Variants in RBM14 observed in about 807,000 individuals in gnomAD.
The protein encoded by RBM14 is RNA binding motif protein 14.
In RBM14, 5 loss-of-function variants were observed where a neutral mutation model predicts 52.8. The ratio of observed to expected loss-of-function variants is 0.09; its 90% confidence interval spans 0.05 to 0.20. RBM14 has a LOEUF of 0.20. RBM14 is among the 10% of genes least tolerant of loss of function. RBM14 has a pLI of 1.00. For missense variants in RBM14, 780 were observed against 926.6 expected, an observed-to-expected ratio of 0.84 and a Z score of 2.05; for synonymous variants, 411 against 401.8, an observed-to-expected ratio of 1.02 and a Z score of -0.28.
At position 66,628,456 on chromosome 11, in the gene RBM14, C is replaced by A. The variant is rs547369126; in HGVS notation, c.*1788C>A. ...TATCTTGCCCTAGATGTCCTCTTCC[C>A]TCTTGCCATCGTGCAAAAGCATTCG... is the stretch of plus-strand genomic sequence containing the variant. On this transcript the variant is annotated 3_prime_UTR_variant, in exon 3 of 3. Coordinates refer to ENST00000310137, the MANE Select transcript of RBM14 (RefSeq NM_006328.4). 6.6e-6 allele frequency among the ~76,000 whole-genome samples: 1 copy of A among 152,178 alleles called. No individual in the cohort carries two copies. The highest frequency in any genetic ancestry group is 1.5e-5 in the Non-Finnish European group (1 of 68,038).
chr11:66,625,415 A>C lies in RBM14; in HGVS notation c.1539A>C (p.Ala513=). 6.2e-7 allele frequency: 1 copy of C among 1,613,548 alleles called. No homozygotes were observed. The highest frequency in any genetic ancestry group is 8.5e-7 in the Non-Finnish European group (1 of 1,179,922). Reference sequence around the variant, plus strand: ...GGGCCCAACCTTCTGCCACCCTGGCAGCTCCTTACCGCACTCAGTCATCAG... The same window carrying C: ...GGGCCCAACCTTCTGCCACCCTGGCCGCTCCTTACCGCACTCAGTCATCAG... ...AYGAQPSATL[A]APYRTQSSAS... Residue 513 remains alanine (A), a synonymous_variant, in exon 2 of 3, where the codon GCA becomes GCC. Coordinates refer to ENST00000310137, the MANE Select transcript of RBM14 (RefSeq NM_006328.4). This position sits in a 1 kb window ranked among gnomAD's most constrained non-coding sequence, Gnocchi z 4.2.
rs1370093199 is a variant in RBM14, at chr11:66,625,906, G to A, written c.1802+228G>A. Among the ~76,000 whole-genome samples, 3 of 152,222 alleles carry A rather than the reference G, an allele frequency of 2.0e-5. No individual in the cohort carries two copies. The highest frequency in any genetic ancestry group is 4.4e-5 in the Non-Finnish European group (3 of 68,028). On this transcript the variant is annotated intron_variant, in intron 2 of 2. Transcript: ENST00000310137. This position sits in a 1 kb window ranked among gnomAD's most constrained non-coding sequence, Gnocchi z 4.2. Reference sequence around the variant, plus strand: ...GGGTGGTACCTGCTAGTCAGGCCAGGCACAGTGTCACCTGTCTAGGCTAGC... The same window carrying A: ...GGGTGGTACCTGCTAGTCAGGCCAGACACAGTGTCACCTGTCTAGGCTAGC...
At position 66,624,880 on chromosome 11, in the gene RBM14, G is replaced by C. The variant is rs1198016610; in HGVS notation, c.1004G>C (p.Gly335Ala). ...TCGCTCAACTCCTATGGGGCTCAGG[G>C]TTCCTCCCTTGCCTCCTATGGTAAC... ...ASSLNSYGAQ[G>A]SSLASYGNQP... is the part of the protein sequence containing the mutation. Residue 335 changes from glycine (G) to alanine (A), a missense_variant, in exon 2 of 3, where the codon GGT becomes GCT. This residue lies in a region of RBM14 where 675 missense variants were observed against 697.3 expected (regional missense o/e 0.97). Transcript: ENST00000310137. This position sits in a 1 kb window ranked among gnomAD's most constrained non-coding sequence, Gnocchi z 4.7. The C allele has an allele frequency of 6.2e-7, 1 of 1,613,014 alleles. No homozygotes were observed. Among genetic ancestry groups the C allele is most frequent in the South Asian group, 1.1e-5 (1 of 91,022 alleles).
intron 1 of RBM14, among the ~76,000 whole-genome samples, chr11:66,620,658 A>G (rs1284162742): frequency 6.6e-6 from 1 of 152,158 alleles, no homozygotes; most frequent in Non-Finnish European, 1.5e-5. Context: ...CATTTGAATC[A>G]TACATGTGAA....
Position 66,626,675 on chromosome 11 carries a change from C to G in RBM14, c.*7C>G. On this transcript the variant is annotated 3_prime_UTR_variant, in exon 3 of 3. Transcript: ENST00000310137. ...CTACCAGCGCCGCATGTAGGGCCATCCTGGGATGGGGCACCACAGGGAGGG... is the reference window on the plus strand; with the variant it reads ...CTACCAGCGCCGCATGTAGGGCCATGCTGGGATGGGGCACCACAGGGAGGG... 1 of 1,597,386 alleles carries G rather than the reference C, an allele frequency of 6.3e-7. No individual in the cohort carries two copies. The highest frequency in any genetic ancestry group is 8.5e-7 in the Non-Finnish European group (1 of 1,172,202).
Position 66,624,829 on chromosome 11 carries a change from A to T in RBM14, c.953A>T (p.Tyr318Phe), listed in dbSNP as rs146481171. ...AQPSASALSS[Y>F]GGQAAAASSL... ...CCCTCAGCCTCGGCCCTTTCCTCCT[A>T]TGGGGGTCAGGCAGCTGCAGCTTCT... is the stretch of plus-strand genomic sequence containing the variant. The change falls in exon 2 of 3, where the codon TAT becomes TTT. Residue 318 changes from tyrosine (Y) to phenylalanine (F), a missense_variant. Around this residue, in one of 4 missense-constraint regions of RBM14, gnomAD observed 675 missense variants for 697.3 expected, o/e 0.97. Coordinates refer to ENST00000310137, the MANE Select transcript of RBM14 (RefSeq NM_006328.4). The surrounding 1 kb of genome is among the most constrained non-coding windows in gnomAD (Gnocchi z 4.7). 2.5e-6 allele frequency: 4 copies of T among 1,612,554 alleles called. No individual in the cohort carries two copies. The highest frequency in any genetic ancestry group is 3.4e-6 in the Non-Finnish European group (4 of 1,179,590).
intron 1 of RBM14, among the ~76,000 whole-genome samples, chr11:66,622,601 T>G (rs1859166960): frequency 6.6e-6 from 1 of 152,212 alleles, no homozygotes. Context: ...AATTTCTAAT[T>G]AAGGATCCCT....
At chr11:66,626,365 C>A in intron 2 of RBM14, 96 bp from the exon 3 acceptor site, 1 of 1,234,794 alleles carries the variant, frequency 8.1e-7, no homozygotes, top group South Asian at 1.3e-5. Context: ...CCACTGTGAT[C>A]ACACCCTCCC....
At chr11:66,621,455 G>A (rs1405164512) in intron 1 of RBM14, among the ~76,000 whole-genome samples, 1 of 151,714 alleles carries the variant, frequency 6.6e-6, no homozygotes, top group Non-Finnish European at 1.5e-5. Context: ...TTGGCTCACT[G>A]CAACCTCCGC....
In RBM14 at chr11:66,626,841, T is replaced by C. The variant is rs1050714898; in HGVS notation, c.*173T>C. ...TCCTGTTAAGTGTTCGGCAGTAACC[T>C]ACTTTGTTCCTTCGCCTCAGCAGCA... On this transcript the variant is annotated 3_prime_UTR_variant, in exon 3 of 3. Coordinates refer to ENST00000310137, the MANE Select transcript of RBM14 (RefSeq NM_006328.4). 1 of 654,520 alleles carries C rather than the reference T, an allele frequency of 1.5e-6. No individual in the cohort carries two copies. Among genetic ancestry groups the C allele is most frequent in the South Asian group, 2.2e-5 (1 of 46,162 alleles). The allele number at this position is 654,520 out of a possible 1,614,324, so 40.5% of individuals were successfully genotyped here.
chr11:66,616,753 G>C lies in RBM14; in HGVS notation c.33G>C (p.Ala11=). 6.2e-7 allele frequency: 1 copy of C among 1,601,100 alleles called. No individual in the cohort carries two copies. Among genetic ancestry groups the C allele is most frequent in the Non-Finnish European group, 8.5e-7 (1 of 1,170,606 alleles). Residue 11 remains alanine, a synonymous_variant, in exon 1 of 3, where the codon GCG becomes GCC. Coordinates refer to ENST00000310137, the MANE Select transcript of RBM14 (RefSeq NM_006328.4). Reference sequence around the variant, plus strand: ...TATTCGTGGGCAACGTCGACGGGGCGGATACGACTCCGGAGGAGCTGGCAG... The same window carrying C: ...TATTCGTGGGCAACGTCGACGGGGCCGATACGACTCCGGAGGAGCTGGCAG... The part of the protein sequence containing the change: MKIFVGNVDG[A]DTTPEELAAL...
In RBM14 at chr11:66,626,905, A is replaced by C; in HGVS notation, c.*237A>C. 2.3e-6 allele frequency: 1 copy of C among 439,656 alleles called. No homozygotes were observed. The allele number at this position is 439,656 out of a possible 1,614,324, so 27.2% of individuals were successfully genotyped here. On this transcript the variant is annotated 3_prime_UTR_variant, in exon 3 of 3. Coordinates refer to ENST00000310137, the MANE Select transcript of RBM14 (RefSeq NM_006328.4). ...GCTCTAGATCTGCGGTTTCCCCTCT[A>C]CCCTGCCTCCCGTCTCCCCAGAATG...
chr11:66,628,185 T>C lies in RBM14; in HGVS notation c.*1517T>C, dbSNP rs577915633. 4.6e-5 allele frequency among the ~76,000 whole-genome samples: 7 copies of C among 152,184 alleles called. No individual in the cohort carries two copies. Among genetic ancestry groups the C allele is most frequent in the South Asian group, 2.1e-4 (1 of 4,824 alleles). On this transcript the variant is annotated 3_prime_UTR_variant, in exon 3 of 3. Coordinates refer to ENST00000310137, the MANE Select transcript of RBM14 (RefSeq NM_006328.4). ...GGATCGAGGATCTGGGCAAAAAATA[T>C]GACATTTCCAACCAGGGACAAAATG... is the stretch of plus-strand genomic sequence containing the variant.
Position 66,626,649 on chromosome 11 carries a change from G to T in RBM14, c.1991G>T (p.Gly664Val), listed in dbSNP as rs1179717948. ...CTGCGGGCGGCTCAGATGCACTCTGGCTACCAGCGCCGCATGTAGGGCCAT... is the reference window on the plus strand; with the variant it reads ...CTGCGGGCGGCTCAGATGCACTCTGTCTACCAGCGCCGCATGTAGGGCCAT... The part of the protein sequence containing the change: ...DYLRAAQMHS[G>V]YQRRM The change falls in exon 3 of 3, where the codon GGC (glycine) becomes GTC (valine). Residue 664 changes from glycine (G) to valine (V), a missense_variant. Physicochemically the swap from Gly to Val is moderately radical, Grantham distance 109 (BLOSUM62 -3). This residue lies in a region of RBM14 where 675 missense variants were observed against 697.3 expected (regional missense o/e 0.97). Transcript: ENST00000310137. 1.2e-6 allele frequency: 2 copies of T among 1,609,010 alleles called. No individual in the cohort carries two copies. The highest frequency in any genetic ancestry group is 8.5e-7 in the Non-Finnish European group (1 of 1,178,388).
In RBM14 at chr11:66,625,673, G is replaced by C; in HGVS notation, c.1797G>C (p.Ser599=). Residue 599 remains serine, a synonymous_variant, in exon 2 of 3, where the codon TCG becomes TCC. Coordinates refer to ENST00000310137, the MANE Select transcript of RBM14 (RefSeq NM_006328.4). The surrounding 1 kb of genome is among the most constrained non-coding windows in gnomAD (Gnocchi z 4.2). ...DDPYKKAVAM[S]KRYGSDRRLA... ...CCTACAAAAAGGCTGTCGCCATGTCGAAAAGGTACTGTATGCCCCCCCGCC... is the reference window on the plus strand; with the variant it reads ...CCTACAAAAAGGCTGTCGCCATGTCCAAAAGGTACTGTATGCCCCCCCGCC... The C allele has an allele frequency of 6.2e-7, 1 of 1,606,430 alleles. No homozygotes were observed.
At chr11:66,618,369 G>A (rs1181411906) in intron 1 of RBM14, 3 of 635,608 alleles carry the variant, frequency 4.7e-6, no homozygotes, top group Non-Finnish European at 8.7e-6. Context: ...TTGCTGTCCT[G>A]GAAAGGCACA....
At chr11:66,617,287 G>A in intron 1 of RBM14, 1 of 1,340,262 alleles carries the variant, frequency 7.5e-7, no homozygotes, top group Non-Finnish European at 9.6e-7. Flanking sequence ...GGCGGCCACT[G>A]CGAGCCAAGC....
rs895566807 is a variant in RBM14, at chr11:66,627,179, T to C, written c.*511T>C. The C allele has an allele frequency of 1.3e-5, 2 of 153,406 alleles. No homozygotes were observed. Among genetic ancestry groups the C allele is most frequent in the African/African-American group, 4.8e-5 (2 of 41,434 alleles). 9.5% of individuals were successfully genotyped at this position (153,406 alleles called of 1,614,324 possible). The stretch of plus-strand genomic sequence containing the variant: ...ACTGAGTTCCTGTTGGGACAGTCAG[T>C]TGGTATGTATCCAAGTCCCTGCTGA... On this transcript the variant is annotated 3_prime_UTR_variant, in exon 3 of 3. Coordinates refer to ENST00000310137, the MANE Select transcript of RBM14 (RefSeq NM_006328.4).
chr11:66,625,459 A>C lies in RBM14; in HGVS notation c.1583A>C (p.Tyr528Ser). 2 of 1,613,294 alleles carry C rather than the reference A, an allele frequency of 1.2e-6. No homozygotes were observed. Among genetic ancestry groups the C allele is most frequent in the Non-Finnish European group, 1.7e-6 (2 of 1,179,886 alleles). Residue 528 changes from tyrosine to serine, a missense_variant, in exon 2 of 3, where the codon TAT becomes TCT. By Grantham distance (144) the Tyr-to-Ser change is moderately radical (BLOSUM62 -2). Around this residue, in one of 4 missense-constraint regions of RBM14, gnomAD observed 675 missense variants for 697.3 expected, o/e 0.97. Coordinates refer to ENST00000310137, the MANE Select transcript of RBM14 (RefSeq NM_006328.4). The surrounding 1 kb of genome is among the most constrained non-coding windows in gnomAD (Gnocchi z 4.2). ...TQSSASLAAS[Y>S]AAQQHPQAAA... The stretch of plus-strand genomic sequence containing the variant: ...TCATCAGCCTCATTGGCTGCTTCCT[A>C]TGCTGCCCAGCAGCATCCCCAGGCT...
Sources: allele counts gnomAD v4.1 joint callset (sites outside exome capture counted in the v4.1 genomes callset), GRCh38; gene constraint gnomAD v4.1.1; regional missense constraint gnomAD v4.1.1; non-coding constraint Gnocchi (gnomAD v3.1); transcripts MANE v1.5; gene names NCBI Gene and HGNC (gene_info 2026-07-23, HGNC 2026-07-21).